The following CLASP1 variants were observed in gnomAD, a reference collection of about 807,000 sequenced individuals.
CLASP1 encodes the protein CLIP-associating protein 1.
A neutral mutation model predicts 192.3 loss-of-function variants in CLASP1; 38 were observed. That is an observed-to-expected ratio of 0.20 (90% CI 0.15 to 0.26). The LOEUF is 0.26. Among genes scored for constraint, CLASP1 ranks in the 10% least tolerant of loss-of-function variants. CLASP1 has a pLI of 1.00. For synonymous variants in CLASP1, 691 were observed against 712.8 expected (o/e 0.97, Z 0.49); for missense variants, 1,433 against 1,932.5 (o/e 0.74, Z 4.85).
chr2:121,530,579 G>T, intron 2 of CLASP1: 1 of 534,004 alleles, frequency 1.9e-6, no homozygotes, highest in South Asian at 2.7e-5. Flanking sequence ...CCAAACCCGG[G>T]TTAGCTGCGG....
intron 30 of CLASP1, among the ~76,000 whole-genome samples, chr2:121,395,406 T>G (rs1204818816): frequency 3.9e-5 from 6 of 152,230 alleles, no homozygotes; most frequent in African/African-American, 1.2e-4. Flanking sequence ...TGGGTATTTA[T>G]CATTCATTAA....
intron 39 of CLASP1, among the ~76,000 whole-genome samples, chr2:121,343,195 A>G (rs1377580275): frequency 6.6e-6 from 1 of 152,252 alleles, no homozygotes; most frequent in Non-Finnish European, 1.5e-5. Context: ...GCTATTAGAA[A>G]TAATGAGAAA....
chr2:121,530,911 C>G lies in CLASP1; in HGVS notation c.196-586G>C, dbSNP rs549457414. The G allele has an allele frequency of 2.9e-6, 2 of 699,050 alleles. No homozygotes were observed. Among genetic ancestry groups the G allele is most frequent in the Non-Finnish European group, 5.2e-6 (2 of 383,842 alleles). 43.3% of individuals were successfully genotyped at this position (699,050 alleles called of 1,614,324 possible). A position where few individuals can be genotyped will look rare whatever the true frequency, so the allele number is the denominator to read the frequency against. On this transcript the variant is annotated intron_variant, in intron 2 of 39. Coordinates refer to ENST00000263710, the Ensembl canonical transcript of CLASP1. ...CCTTTTCTTGGGGTTGCGCTACTGTCCAATGAGCGCATAGTGAGGGCAGTA... is the reference window on the plus strand; with the variant it reads ...CCTTTTCTTGGGGTTGCGCTACTGTGCAATGAGCGCATAGTGAGGGCAGTA...
chr2:121,451,712 C>T (rs964509183), intron 15 of CLASP1, 78 bp downstream of exon 15: 2 of 1,119,898 alleles, frequency 1.8e-6, no homozygotes, highest in South Asian at 2.9e-5. Flanking sequence ...TTACAGAAAG[C>T]CAGCTGGACC....
intron 19 of CLASP1, among the ~76,000 whole-genome samples, chr2:121,445,859 A>G (rs1364701158): frequency 3.9e-5 from 6 of 152,244 alleles, no homozygotes; most frequent in African/African-American, 1.4e-4. Flanking sequence ...AAAAACAAAA[A>G]TACTGAGGCT....
At chr2:121,446,763 C>G (rs2084426875) in intron 19 of CLASP1, among the ~76,000 whole-genome samples, 1 of 152,156 alleles carries the variant, frequency 6.6e-6, no homozygotes, top group African/African-American at 2.4e-5. Context: ...AGAGTAAGGG[C>G]ATGCTCCTCC....
rs773383542 is a variant in CLASP1 at position 121,367,789 on chromosome 2, G to T, written c.3685C>A (p.Arg1229=). The T allele has an allele frequency of 1.9e-6, 3 of 1,613,610 alleles. No individual in the cohort carries two copies. In the East Asian group the frequency reaches 6.7e-5, roughly 36 times the overall value. ...CCTCCTTCTACTTCACTACCCCCCCGGCCCTCAGTGGCAGGGGAGGCAGCG... is the reference window on the plus strand; with the variant it reads ...CCTCCTTCTACTTCACTACCCCCCCTGCCCTCAGTGGCAGGGGAGGCAGCG... The change falls in exon 35 of 40, where the codon CGG becomes AGG. Residue 1229 remains arginine (R), a synonymous_variant. Transcript: ENST00000263710.
chr2:121,436,503 C>T (rs573091215), intron 19 of CLASP1, among the ~76,000 whole-genome samples: 23 of 150,662 alleles, frequency 1.5e-4, no homozygotes, highest in African/African-American at 5.1e-4. Context: ...TTCCACCTCC[C>T]AGGTTCAAGC....
chr2:121,367,642 T>C (rs1444480184), exon 35 of CLASP1: 1 of 1,613,872 alleles, frequency 6.2e-7, no homozygotes, highest in Non-Finnish European at 8.5e-7. Context: ...AGGGCGGTCT[T>C]GTCGTAGGTG....
chr2:121,448,129 T>G, intron 18 of CLASP1, 147 bp downstream of exon 18: 1 of 664,854 alleles, frequency 1.5e-6, no homozygotes, highest in Non-Finnish European at 2.6e-6. Context: ...TGCTGGAGAG[T>G]CAGGGCAGGG....
At chr2:121,513,983 C>T (rs1176324189) in intron 7 of CLASP1, among the ~76,000 whole-genome samples, 1 of 152,256 alleles carries the variant, frequency 6.6e-6, no homozygotes, top group Non-Finnish European at 1.5e-5. Context: ...TCTTATTCCA[C>T]TTGTTGGGAA....
At chr2:121,628,382 G>A (rs2068780594) in intron 1 of CLASP1, among the ~76,000 whole-genome samples, 1 of 151,996 alleles carries the variant, frequency 6.6e-6, no homozygotes, top group Admixed American at 6.6e-5. Flanking sequence ...GGTCACTTAA[G>A]AATGTAATTG....
At chr2:121,465,054 G>GCCAATA (rs1334499490) in intron 9 of CLASP1, among the ~76,000 whole-genome samples, 2 of 152,134 alleles carry the variant, frequency 1.3e-5, no homozygotes, top group African/African-American at 4.8e-5. Flanking sequence ...CAAACCCACA[G>GCCAATA]CCAATATCAT....
intron 6 of CLASP1, among the ~76,000 whole-genome samples, chr2:121,523,423 G>C (rs946055059): frequency 6.6e-6 from 1 of 152,148 alleles, no homozygotes; most frequent in Non-Finnish European, 1.5e-5. Flanking sequence ...TCAGAGAGTA[G>C]CCCAACACAA....
At chr2:121,576,510 A>G (rs2060534901) in intron 2 of CLASP1, among the ~76,000 whole-genome samples, 1 of 152,130 alleles carries the variant, frequency 6.6e-6, no homozygotes, top group African/African-American at 2.4e-5. Flanking sequence ...TATCTCAGAC[A>G]CTTCCTGCTT....
chr2:121,410,732 C>T, intron 24 of CLASP1, 134 bp downstream of exon 25: 1 of 561,848 alleles, frequency 1.8e-6, no homozygotes, highest in African/African-American at 1.9e-5. Context: ...TAAATTTACC[C>T]AACATTAACA....
intron 25 of CLASP1, 139 bp from the exon 27 acceptor site, chr2:121,404,573 C>A (rs2076639167): frequency 3.9e-6 from 3 of 771,142 alleles, no homozygotes; most frequent in Admixed American, 2.4e-5. Flanking sequence ...CTCAAGTGAT[C>A]CTCCCACCTC....
intron 14 of CLASP1, 123 bp downstream of exon 14, chr2:121,457,564 C>T (rs1487944597): frequency 1.4e-6 from 1 of 691,632 alleles, no homozygotes; most frequent in African/African-American, 1.8e-5. Flanking sequence ...AAGTCATTTA[C>T]TGCAGTGATT....
At chr2:121,428,850 G>GCTCATTAAATCCT (rs2080898633) in intron 20 of CLASP1, among the ~76,000 whole-genome samples, 1 of 152,162 alleles carries the variant, frequency 6.6e-6, no homozygotes, top group Non-Finnish European at 1.5e-5. Context: ...GGCTCCTAAT[G>GCTCATTAAATCCT]CTCATTAAAT....
Sources: gnomAD v4.1 joint callset for allele counts (sites outside exome capture counted in the v4.1 genomes callset) on GRCh38, gnomAD v4.1.1 for gene constraint, MANE v1.5 for transcripts, NCBI Gene and HGNC (gene_info 2026-07-23, HGNC 2026-07-21) for gene names.